The following SPTAN1 variants were observed in gnomAD, a reference collection of about 807,000 sequenced individuals.
SPTAN1 encodes the protein spectrin alpha, non-erythrocytic 1.
SPTAN1 carries 61 observed loss-of-function variants against 331.3 expected under a neutral mutation model. That is an observed-to-expected ratio of 0.18 (90% CI 0.15 to 0.23). The LOEUF is 0.23. Ranked by LOEUF, SPTAN1 falls within the 10% of genes least tolerant of loss-of-function variation. The pLI is 1.00. For synonymous variants in SPTAN1, 1,153 were observed against 1,173.9 expected (o/e 0.98, Z 0.36); for missense variants, 2,043 against 3,147.9 (o/e 0.65, Z 8.40).
In SPTAN1 at chr9:128,633,563, C is replaced by A; in HGVS notation, c.*229C>A. 1 of 1,066,606 alleles carries A rather than the reference C, an allele frequency of 9.4e-7. No individual in the cohort carries two copies. Among genetic ancestry groups the A allele is most frequent in the South Asian group, 1.5e-5 (1 of 68,174 alleles). The allele number at this position is 1,066,606 out of a possible 1,614,324, so 66.1% of individuals were successfully genotyped here. On this transcript the variant is annotated 3_prime_UTR_variant, in exon 57 of 57. Transcript: ENST00000372739. The stretch of plus-strand genomic sequence containing the variant: ...GAAGCAGCTGCCCTCATTCCGACTT[C>A]AGAAAATCGAAGCAGCTGGCTCCTC...
intron 27 of SPTAN1, 99 bp downstream of exon 27, chr9:128,600,214 C>A: frequency 7.5e-7 from 1 of 1,340,760 alleles, no homozygotes; most frequent in Non-Finnish European, 1.1e-6. Flanking sequence ...CAGCTTAAGT[C>A]TTTAGTCATT....
chr9:128,558,571 T>C (rs893368927), intron 1 of SPTAN1, among the ~76,000 whole-genome samples: 19 of 152,232 alleles, frequency 1.2e-4, no homozygotes, highest in African/African-American at 4.6e-4. Context: ...TTAGTGGAAC[T>C]GATAGATAGG....
chr9:128,630,391 G>A lies in SPTAN1; in HGVS notation c.6762+16G>A, dbSNP rs931690083. On this transcript the variant is annotated intron_variant, in intron 52 of 56. Coordinates refer to ENST00000372739, the MANE Select transcript of SPTAN1 (RefSeq NM_001130438.3). Reference sequence around the variant, plus strand: ...AGCTACCAAAGTAAGTGCCCGTGGGGCTCTGGCCCAGCAGAGACCCTTCAC... The same window carrying A: ...AGCTACCAAAGTAAGTGCCCGTGGGACTCTGGCCCAGCAGAGACCCTTCAC... 9 of 1,611,660 alleles carry A rather than the reference G, an allele frequency of 5.6e-6. No homozygotes were observed. In the African/African-American group the frequency reaches 9.4e-5, roughly 17 times the overall value.
At chr9:128,562,791 C>T (rs1849527542) in intron 1 of SPTAN1, among the ~76,000 whole-genome samples, 1 of 151,616 alleles carries the variant, frequency 6.6e-6, no homozygotes, top group East Asian at 1.9e-4. Flanking sequence ...GGTGAAACGC[C>T]ATCTCTACTA....
Position 128,581,853 on chromosome 9 carries a change from CTT to C in SPTAN1, c.1535_1536del (p.Phe512Ter). 1 of 1,614,044 alleles carries C rather than the reference CTT, an allele frequency of 6.2e-7. No individual in the cohort carries two copies. Among genetic ancestry groups the C allele is most frequent in the Non-Finnish European group, 8.5e-7 (1 of 1,179,956 alleles). ...AAGCGCTTCTTAAGAAGCACGAAGA[CTT>C]TGAGAAATCCCTTAGTGCCCAGGAG... is the stretch of plus-strand genomic sequence containing the variant. Reference protein sequence around the residue: ...VEALLKKHEDFEKSLSAQEEK... With the variant: ...VEALLKKHEDXEKSLSAQEEK... On this transcript the variant is annotated frameshift_variant, in exon 12 of 57. Coordinates refer to ENST00000372739, the MANE Select transcript of SPTAN1 (RefSeq NM_001130438.3). LOFTEE classifies it high-confidence loss of function.
In SPTAN1 at chr9:128,633,556, C is replaced by A; in HGVS notation, c.*222C>A. The A allele has an allele frequency of 9.4e-7, 1 of 1,059,708 alleles. No individual in the cohort carries two copies. The highest frequency in any genetic ancestry group is 1.4e-6 in the Non-Finnish European group (1 of 721,578). The allele number at this position is 1,059,708 out of a possible 1,614,324, so 65.6% of individuals were successfully genotyped here. A position where few individuals can be genotyped will look rare whatever the true frequency, so the allele number is the denominator to read the frequency against. Reference sequence around the variant, plus strand: ...GTGTCTTGAAGCAGCTGCCCTCATTCCGACTTCAGAAAATCGAAGCAGCTG... The same window carrying A: ...GTGTCTTGAAGCAGCTGCCCTCATTACGACTTCAGAAAATCGAAGCAGCTG... On this transcript the variant is annotated 3_prime_UTR_variant, in exon 57 of 57. Transcript: ENST00000372739.
chr9:128,578,335 T>C, intron 9 of SPTAN1, 90 bp downstream of exon 9: 1 of 1,546,536 alleles, frequency 6.5e-7, no homozygotes, highest in African/African-American at 1.4e-5. Flanking sequence ...ATAGTCGGCG[T>C]TGGTACCATG....
chr9:128,563,178 G>A (rs1849620582), intron 1 of SPTAN1, among the ~76,000 whole-genome samples: 1 of 151,928 alleles, frequency 6.6e-6, no homozygotes, highest in South Asian at 2.1e-4. Flanking sequence ...CACTTTGGGA[G>A]ACTGAGGCAT....
chr9:128,594,422 T>G (rs1589255328), intron 24 of SPTAN1, 49 bp downstream of exon 24: 7 of 1,260,928 alleles, frequency 5.6e-6, no homozygotes, highest in South Asian at 1.3e-5. Context: ...AAGATTTGAG[T>G]CTCTTGATTT....
rs35122170 is a variant in SPTAN1, at chr9:128,622,293, C to CTTTTTTTT, written c.5832+1053_5832+1060dup. Among the ~76,000 whole-genome samples, 12 of 91,510 alleles carry CTTTTTTTT rather than the reference C, an allele frequency of 1.3e-4. 2 individuals are homozygous for CTTTTTTTT. Among genetic ancestry groups the CTTTTTTTT allele is most frequent in the African/African-American group, 4.3e-4 (9 of 21,142 alleles). 60.0% of individuals were successfully genotyped at this position (91,510 alleles called of 152,430 possible). On this transcript the variant is annotated intron_variant, in intron 45 of 56. Transcript: ENST00000372739. ...CAGCCTCCTGGCAACGAGCCAGCTG[C>CTTTTTTTT]TTTTTTTTTTTTTTTTTTTTTTTGC...
At chr9:128,587,969 C>T (rs985190851) in intron 20 of SPTAN1, among the ~76,000 whole-genome samples, 3 of 151,822 alleles carry the variant, frequency 2.0e-5, no homozygotes, top group African/African-American at 7.3e-5. Flanking sequence ...ACTCAGCCTC[C>T]TGAGTAGGTG....
intron 3 of SPTAN1, among the ~76,000 whole-genome samples, chr9:128,573,713 C>T (rs545754581): frequency 6.6e-6 from 1 of 152,244 alleles, no homozygotes; most frequent in Middle Eastern, 3.4e-3. Context: ...CTCAGCCTTC[C>T]AAAGTGCTGG....
At chr9:128,560,504 C>G (rs897924063) in intron 1 of SPTAN1, among the ~76,000 whole-genome samples, 6 of 152,136 alleles carry the variant, frequency 3.9e-5, no homozygotes, top group Non-Finnish European at 7.4e-5. Context: ...CCCCAGCCTC[C>G]TGAGTAGATG....
At position 128,629,737 on chromosome 9, in the gene SPTAN1, A is replaced by T; in HGVS notation, c.6708-584A>T. On this transcript the variant is annotated intron_variant, in intron 51 of 56. Coordinates refer to ENST00000372739, the MANE Select transcript of SPTAN1 (RefSeq NM_001130438.3). The surrounding 1 kb of genome is among the most constrained non-coding windows in gnomAD (Gnocchi z 4.9). Reference sequence around the variant, plus strand: ...GCTGTGTCTAGAGGATGGAACCGGGATCTGGGGTTTAGTCACAGCCATCTC... The same window carrying T: ...GCTGTGTCTAGAGGATGGAACCGGGTTCTGGGGTTTAGTCACAGCCATCTC... 1 of 203,252 alleles carries T rather than the reference A, an allele frequency of 4.9e-6. No individual in the cohort carries two copies. Among genetic ancestry groups the T allele is most frequent in the Admixed American group, 5.3e-5 (1 of 19,004 alleles). 12.6% of individuals were successfully genotyped at this position (203,252 alleles called of 1,614,324 possible).
intron 28 of SPTAN1, among the ~76,000 whole-genome samples, chr9:128,603,967 T>G (rs1193241627): frequency 6.6e-6 from 1 of 152,190 alleles, no homozygotes; most frequent in Non-Finnish European, 1.5e-5. Context: ...TGATTGGGTG[T>G]TGGGAGGCAG....
chr9:128,582,554 G>T lies in SPTAN1; in HGVS notation c.1648G>T (p.Ala550Ser), dbSNP rs371178746. 1.5e-5 allele frequency: 25 copies of T among 1,613,668 alleles called. No homozygotes were observed. Among genetic ancestry groups the T allele is most frequent in the African/African-American group, 4.0e-5 (3 of 74,932 alleles). Reference sequence around the variant, plus strand: ...GGAAGATGTGGCCACTCGCCGAGATGCTGTAAGTTTGTAGGTTCTTCATGC... The same window carrying T: ...GGAAGATGTGGCCACTCGCCGAGATTCTGTAAGTTTGTAGGTTCTTCATGC... Reference protein sequence around the residue: ...AMEDVATRRDALLSRRNALHE... With the variant: ...AMEDVATRRDSLLSRRNALHE... Residue 550 changes from alanine (A) to serine (S), a missense_variant and splice_region_variant, in exon 13 of 57, where the codon GCT (alanine) becomes TCT (serine). This residue lies in a region of SPTAN1 where 1,038 missense variants were observed against 1,531.5 expected (regional missense o/e 0.68). Transcript: ENST00000372739.
chr9:128,630,111 C>T, intron 51 of SPTAN1: 1 of 736,898 alleles, frequency 1.4e-6, no homozygotes, highest in Non-Finnish European at 2.5e-6. Flanking sequence ...ACCAAGGCAG[C>T]AGCTTCCCAT....
chr9:128,576,757 C>T (rs1251219705), intron 5 of SPTAN1, 66 bp from the exon 6 acceptor site: 2 of 1,598,996 alleles, frequency 1.3e-6, no homozygotes, highest in Non-Finnish European at 8.5e-7. Context: ...GGAACCAACC[C>T]CAGGGTAACT....
chr9:128,619,721 G>A (rs1455932876), intron 44 of SPTAN1, among the ~76,000 whole-genome samples: 1 of 152,358 alleles, frequency 6.6e-6, no homozygotes, highest in East Asian at 1.9e-4. Context: ...GGTACCAGAA[G>A]TTAGGACTTC....
Sources: gnomAD v4.1 joint callset for allele counts (sites outside exome capture counted in the v4.1 genomes callset) on GRCh38, gnomAD v4.1.1 for gene constraint, gnomAD v4.1.1 regional missense constraint, Gnocchi (gnomAD v3.1) non-coding constraint, MANE v1.5 for transcripts, NCBI Gene and HGNC (gene_info 2026-07-23, HGNC 2026-07-21) for gene names.